NRG3: variants seen among roughly 807,000 people sequenced by gnomAD.
The protein encoded by NRG3 is pro-neuregulin-3, membrane-bound isoform.
Under a neutral mutation model 66.9 loss-of-function variants are expected in NRG3, and 31 were observed. That is an observed-to-expected ratio of 0.46 (90% confidence interval 0.35 to 0.63). NRG3 has a LOEUF of 0.63. Among genes scored for constraint, NRG3 ranks in the 20% least tolerant of loss-of-function variants. The pLI is 0.00. For missense variants in NRG3, 910 were observed against 878.9 expected (o/e 1.04, Z -0.45); for synonymous variants, 393 against 359.4 (o/e 1.09, Z -1.06).
intron 1 of NRG3, among the ~76,000 whole-genome samples, chr10:82,339,376 C>G (rs1375013011): frequency 2.0e-5 from 3 of 152,086 alleles, no homozygotes; most frequent in African/African-American, 2.4e-5. Flanking sequence ...AGGAAACTTA[C>G]AATCACGGCG....
intron 1 of NRG3, among the ~76,000 whole-genome samples, chr10:82,106,415 C>T (rs942880574): frequency 6.6e-6 from 1 of 152,110 alleles, no homozygotes; most frequent in African/African-American, 2.4e-5. Context: ...GCTTATAAAC[C>T]CAGGATCCCT....
At chr10:82,966,537 G>A (rs982553384) in intron 6 of NRG3, among the ~76,000 whole-genome samples, 1 of 152,100 alleles carries the variant, frequency 6.6e-6, no homozygotes, top group Non-Finnish European at 1.5e-5. Flanking sequence ...GGTAATATTT[G>A]CCAAGCTTCT....
At chr10:82,077,288 C>T (rs1156436822) in intron 1 of NRG3, among the ~76,000 whole-genome samples, 1 of 152,074 alleles carries the variant, frequency 6.6e-6, no homozygotes, top group Non-Finnish European at 1.5e-5. Context: ...ACACTTAATC[C>T]ATCTCAATGT....
intron 1 of NRG3, among the ~76,000 whole-genome samples, chr10:82,250,310 A>G (rs1163923626): frequency 6.6e-6 from 1 of 152,168 alleles, no homozygotes; most frequent in African/African-American, 2.4e-5. Context: ...GTATTTAGGT[A>G]TGAAGACAGT....
At chr10:82,125,892 A>G (rs2068418133) in intron 1 of NRG3, among the ~76,000 whole-genome samples, 1 of 152,126 alleles carries the variant, frequency 6.6e-6, no homozygotes, top group Admixed American at 6.6e-5. Flanking sequence ...TCTGTGGAAG[A>G]AAGATGTCAT....
chr10:82,288,794 C>A (rs973512830), intron 1 of NRG3, among the ~76,000 whole-genome samples: 3 of 152,202 alleles, frequency 2.0e-5, no homozygotes, highest in African/African-American at 7.2e-5. Flanking sequence ...CACATCGGAG[C>A]ATGCTGACTT....
chr10:82,069,807 A>G (rs997883098), intron 1 of NRG3, among the ~76,000 whole-genome samples: 29 of 152,236 alleles, frequency 1.9e-4, no homozygotes, highest in African/African-American at 7.0e-4. Flanking sequence ...TAATTGGTAC[A>G]AACTAAGAAT....
chr10:82,143,467 G>A (rs984632036), intron 1 of NRG3, among the ~76,000 whole-genome samples: 1 of 152,162 alleles, frequency 6.6e-6, no homozygotes, highest in Non-Finnish European at 1.5e-5. Flanking sequence ...AGTTAAGCAA[G>A]GGGGTGCCTG....
rs530444189 is a variant in NRG3 at position 82,872,704 on chromosome 10, T to TA, written c.1054+7274dup. Among the ~76,000 whole-genome samples, 105 of 150,586 alleles carry TA rather than the reference T, an allele frequency of 7.0e-4. 1 individual carries two copies. The South Asian group carries it at 8.4e-3, about 12-fold the overall frequency. ...AAGTGAGGTGACATAATAAGTGCTCTAAAAAAAGTTTAGGCAAGATACGAT... is the reference window on the plus strand; with the variant it reads ...AAGTGAGGTGACATAATAAGTGCTCTAAAAAAAAGTTTAGGCAAGATACGAT... On this transcript the variant is annotated intron_variant, in intron 4 of 8. Transcript: ENST00000372141.
chr10:82,245,609 A>T (rs1023127344), intron 1 of NRG3, among the ~76,000 whole-genome samples: 2 of 152,232 alleles, frequency 1.3e-5, no homozygotes, highest in Non-Finnish European at 2.9e-5. Context: ...TTCTACAACT[A>T]TAAAAAGAGA....
rs114264135 is a variant in NRG3, at chr10:82,285,251, C to T, written c.824-73488C>T. On this transcript the variant is annotated intron_variant, in intron 1 of 8. Transcript: ENST00000372141. The stretch of plus-strand genomic sequence containing the variant: ...ATTCACACAGTTACTAAAAGAGCAC[C>T]TGGGTCAGGGGGTGGAGACTCGGTT... 2.0e-3 allele frequency among the ~76,000 whole-genome samples: 310 copies of T among 152,218 alleles called. 2 individuals are homozygous for T. The highest frequency in any genetic ancestry group is 7.0e-3 in the African/African-American group (290 of 41,530).
chr10:82,426,528 A>G (rs2089451930), intron 2 of NRG3, among the ~76,000 whole-genome samples: 1 of 148,018 alleles, frequency 6.8e-6, no homozygotes, highest in Non-Finnish European at 1.5e-5. Context: ...TCTTGTTGTG[A>G]GGACAGGAAA....
At chr10:82,422,212 A>C (rs1469494066) in intron 2 of NRG3, among the ~76,000 whole-genome samples, 2 of 152,074 alleles carry the variant, frequency 1.3e-5, no homozygotes. Context: ...ACATAAGCTC[A>C]GGATATTAAA....
chr10:82,833,419 A>C (rs1306538570), intron 3 of NRG3, among the ~76,000 whole-genome samples: 1 of 152,142 alleles, frequency 6.6e-6, no homozygotes, highest in Admixed American at 6.6e-5. Flanking sequence ...GACAGATGCC[A>C]CTGACTTTGC....
At chr10:82,619,169 A>G (rs918178543) in intron 2 of NRG3, among the ~76,000 whole-genome samples, 2 of 152,298 alleles carry the variant, frequency 1.3e-5, no homozygotes, top group Non-Finnish European at 1.5e-5. Context: ...AATGTAAGTT[A>G]GAGAAAATTG....
intron 1 of NRG3, among the ~76,000 whole-genome samples, chr10:81,916,696 T>C (rs1306588672): frequency 6.6e-6 from 1 of 152,144 alleles, no homozygotes; most frequent in Non-Finnish European, 1.5e-5. Flanking sequence ...CAAACTCTAG[T>C]AGAAGGGCAG....
chr10:82,917,004 T>C (rs1290752558), intron 4 of NRG3, among the ~76,000 whole-genome samples: 3 of 152,212 alleles, frequency 2.0e-5, no homozygotes, highest in Admixed American at 1.3e-4. Flanking sequence ...TTCTCCTGTA[T>C]AGGGATGCAT....
intron 1 of NRG3, 100 bp downstream of exon 1, chr10:81,876,263 TC>T: frequency 7.0e-7 from 1 of 1,436,320 alleles, no homozygotes. Context: ...GCAAGCCCCC[TC>T]CCCCATCCCA....
chr10:82,258,995 A>G (rs1011565913), intron 1 of NRG3, among the ~76,000 whole-genome samples: 3 of 152,172 alleles, frequency 2.0e-5, no homozygotes, highest in African/African-American at 7.2e-5. Flanking sequence ...TGATATCCCC[A>G]GGAAACTAAT....
Sources: gnomAD v4.1 joint callset for allele counts (sites outside exome capture counted in the v4.1 genomes callset) on GRCh38, gnomAD v4.1.1 for gene constraint, MANE v1.5 for transcripts, NCBI Gene and HGNC (gene_info 2026-07-23, HGNC 2026-07-21) for gene names.